Variants in PRH1 observed in about 807,000 individuals in gnomAD.
The protein encoded by PRH1 is salivary acidic proline-rich phosphoprotein 1/2.
PRH1 carries 7 observed loss-of-function variants against 7.9 expected under a neutral mutation model. The ratio of observed to expected loss-of-function variants is 0.89; its 90% CI spans 0.50 to 1.67. The LOEUF is 1.67. Ranked by LOEUF, PRH1 falls within the 40% of genes most tolerant of loss-of-function variation. The pLI, the probability that PRH1 is intolerant of heterozygous loss-of-function variation, is 0.00. For missense variants in PRH1, 109 were observed against 223.6 expected, an observed-to-expected ratio of 0.49 and a Z score of 3.27; for synonymous variants, 45 against 80.8, an observed-to-expected ratio of 0.56 and a Z score of 2.38.
At chr12:11,149,383 A>G (rs1946987691) in intron 1 of PRH1, among the ~76,000 whole-genome samples, 1 of 152,206 alleles carries the variant, frequency 6.6e-6, no homozygotes. Context: ...CCAAAAGAAC[A>G]AAGCTGGAGG....
At chr12:11,123,745 T>C (rs1592057426) in intron 1 of PRH1, among the ~76,000 whole-genome samples, 1 of 152,240 alleles carries the variant, frequency 6.6e-6, no homozygotes, top group Admixed American at 6.5e-5. Context: ...CTTCATTCTT[T>C]GTAGCTATCT....
At chr12:11,160,091 T>G (rs1185920688) in intron 1 of PRH1, among the ~76,000 whole-genome samples, 1 of 152,200 alleles carries the variant, frequency 6.6e-6, no homozygotes, top group African/African-American at 2.4e-5. Context: ...TTTCACTAAT[T>G]TGCATTTTCA....
At chr12:10,927,906 C>T (rs190699298) in intron 2 of PRH1, among the ~76,000 whole-genome samples, 198 of 152,248 alleles carry the variant, frequency 1.3e-3, no homozygotes, top group African/African-American at 4.3e-3. Context: ...CTAGGTATCA[C>T]AGAGCAATCA....
intron 2 of PRH1, among the ~76,000 whole-genome samples, chr12:10,918,561 A>G (rs114634239): frequency 0.021 from 3,131 of 152,334 alleles, 99 homozygotes; most frequent in African/African-American, 0.072. Context: ...AGCAGGTTAT[A>G]ATCTATATAA....
chr12:11,108,563 G>A (rs1945498423), intron 1 of PRH1, among the ~76,000 whole-genome samples: 1 of 152,170 alleles, frequency 6.6e-6, no homozygotes, highest in Non-Finnish European at 1.5e-5. Flanking sequence ...GAAGTGCAAG[G>A]GGTCGGGGAA....
chr12:11,164,700 T>C (rs979009151), intron 1 of PRH1, among the ~76,000 whole-genome samples: 3 of 152,018 alleles, frequency 2.0e-5, no homozygotes, highest in East Asian at 1.9e-4. Flanking sequence ...ACTCAGAACA[T>C]CTAAAATGTC....
At chr12:10,932,111 AG>A (rs1294553199) in intron 2 of PRH1, 3 of 297,496 alleles carry the variant, frequency 1.0e-5, no homozygotes, top group Non-Finnish European at 2.3e-5. Flanking sequence ...GGGCTGTAGA[AG>A]GGATAGAGGG....
upstream of PRH1, among the ~76,000 whole-genome samples, chr12:11,049,663 TGTTACATA>T (rs1302299056): frequency 1.6e-4 from 25 of 152,318 alleles, no homozygotes; most frequent in East Asian, 4.6e-3. Context: ...CATCGTCAGT[TGTTACATA>T]GGGAAATTTT....
intron 2 of PRH1, among the ~76,000 whole-genome samples, chr12:10,918,508 A>AT (rs1200205233): frequency 4.6e-5 from 7 of 152,242 alleles, no homozygotes; most frequent in Admixed American, 1.3e-4. Flanking sequence ...GAAATCTCCA[A>AT]TTATTTGTAA....
chr12:11,161,465 A>G (rs1947411372), intron 1 of PRH1, among the ~76,000 whole-genome samples: 1 of 152,168 alleles, frequency 6.6e-6, no homozygotes, highest in African/African-American at 2.4e-5. Flanking sequence ...TAAAAACATT[A>G]TATGCAATAA....
downstream of PRH1, among the ~76,000 whole-genome samples, chr12:11,120,682 A>T (rs1945872935): frequency 6.6e-6 from 1 of 151,970 alleles, no homozygotes; most frequent in Non-Finnish European, 1.5e-5. Context: ...TCCAGAATTT[A>T]TAGAAAGTAT....
chr12:11,139,963 T>C (rs1421187879), intron 1 of PRH1, among the ~76,000 whole-genome samples: 1 of 152,032 alleles, frequency 6.6e-6, no homozygotes, highest in African/African-American at 2.4e-5. Flanking sequence ...TATTAAACAA[T>C]AGTTTCCAAG....
rs536761265 is a variant in PRH1, at chr12:11,018,315, G to A, written c.-126+28705C>T. ...AAAAGCCCCTCAAGCACAAGACCCC[G>A]TGCAACTACACAAGGCATCTGCTTA... On this transcript the variant is annotated intron_variant, in intron 1 of 3. Coordinates refer to the PRH1 transcript ENST00000539853. 9.9e-5 allele frequency among the ~76,000 whole-genome samples: 15 copies of A among 152,268 alleles called. No individual in the cohort carries two copies. The South Asian group carries it at 2.1e-3, about 21-fold the overall frequency.
At chr12:10,956,300 A>G (rs1432299906) in intron 2 of PRH1, among the ~76,000 whole-genome samples, 1 of 152,244 alleles carries the variant, frequency 6.6e-6, no homozygotes, top group Non-Finnish European at 1.5e-5. Context: ...GATTCATCAC[A>G]TAAGTGAAAC....
chr12:10,929,093 T>C (rs915413117), intron 2 of PRH1: 3 of 675,750 alleles, frequency 4.4e-6, no homozygotes, highest in Non-Finnish European at 7.7e-6. Flanking sequence ...TAGGCTAGAG[T>C]CCCAGAAGAA....
intron 1 of PRH1, among the ~76,000 whole-genome samples, chr12:11,002,288 A>G (rs888005188): frequency 4.6e-5 from 7 of 152,062 alleles, no homozygotes; most frequent in Admixed American, 1.3e-4. Context: ...TGTGACTTCA[A>G]TCATGTTTTC....
intron 1 of PRH1, chr12:11,133,730 A>G (rs1253703227): frequency 6.2e-7 from 1 of 1,614,038 alleles, no homozygotes; most frequent in African/African-American, 1.3e-5. Context: ...TGAATGGTAC[A>G]TTGCACTCCT....
chr12:11,148,648 T>C lies in PRH1; in HGVS notation n.39+22774A>G, dbSNP rs567576890. On this transcript the variant is annotated intron_variant and non_coding_transcript_variant, in intron 1 of 1. Coordinates refer to the PRH1 transcript ENST00000541175. ...CCCAGGGATGAAGCCCACTTGATCA[T>C]GGTGGATAAGCTTTTTGATGTGCTG... is the stretch of plus-strand genomic sequence containing the variant. 1.6e-3 allele frequency among the ~76,000 whole-genome samples: 197 copies of C among 120,562 alleles called. 3 individuals carry two copies. Among genetic ancestry groups the C allele is most frequent in the African/African-American group, 5.3e-3 (186 of 35,148 alleles). 79.1% of individuals were successfully genotyped at this position (120,562 alleles called of 152,430 possible).
downstream of PRH1, among the ~76,000 whole-genome samples, chr12:11,120,211 G>A (rs1945854113): frequency 2.0e-5 from 3 of 152,126 alleles, no homozygotes; most frequent in South Asian, 6.2e-4. Context: ...TGTAGTTTGG[G>A]TTTTCAAGAA....
Sources: gnomAD v4.1 joint callset for allele counts (sites outside exome capture counted in the v4.1 genomes callset) on GRCh38, gnomAD v4.1.1 for gene constraint, MANE v1.5 for transcripts, NCBI Gene and HGNC (gene_info 2026-07-23, HGNC 2026-07-21) for gene names.